Variants in LUZP2 observed in about 807,000 individuals in gnomAD.
LUZP2 encodes the protein leucine zipper protein 2.
A neutral mutation model predicts 51.6 loss-of-function variants in LUZP2; 52 were observed. The ratio of observed to expected loss-of-function variants is 1.01; its 90% CI spans 0.81 to 1.27. The LOEUF is 1.27. Among genes scored for constraint, LUZP2 ranks in the 50% most tolerant of loss-of-function variants. The probability of loss-of-function intolerance (pLI) is 0.00; values close to 1 mark genes in which losing one functional copy is unlikely to be tolerated. For missense variants in LUZP2, 436 were observed against 395.4 expected (o/e 1.10, Z -0.87); for synonymous variants, 154 against 137.3 (o/e 1.12, Z -0.85).
At chr11:24,660,608 A>C (rs1004297711) in intron 1 of LUZP2, among the ~76,000 whole-genome samples, 7 of 152,270 alleles carry the variant, frequency 4.6e-5, no homozygotes, top group African/African-American at 1.7e-4. Context: ...CCTGATCATA[A>C]ATGTTCTTCC....
intron 1 of LUZP2, among the ~76,000 whole-genome samples, chr11:24,697,890 T>C (rs963033631): frequency 1.2e-4 from 19 of 152,184 alleles, no homozygotes; most frequent in Admixed American, 1.2e-3. Flanking sequence ...TGACGCCACT[T>C]GGATCCATGA....
chr11:24,791,961 T>G (rs926626387), intron 5 of LUZP2, among the ~76,000 whole-genome samples: 2 of 151,586 alleles, frequency 1.3e-5, no homozygotes, highest in Middle Eastern at 3.2e-3. Context: ...GAGAGTCTTT[T>G]TTTTTTTTTC....
intron 1 of LUZP2, among the ~76,000 whole-genome samples, chr11:24,695,043 T>C (rs893451717): frequency 2.0e-4 from 30 of 151,972 alleles, no homozygotes; most frequent in African/African-American, 7.3e-4. Context: ...TGTATACCTA[T>C]GTAACAAACC....
intron 5 of LUZP2, among the ~76,000 whole-genome samples, chr11:24,800,599 G>A (rs1849670470): frequency 6.6e-6 from 1 of 151,230 alleles, no homozygotes; most frequent in Non-Finnish European, 1.5e-5. Flanking sequence ...GGGTGAAAGT[G>A]GATTTGCTTT....
chr11:24,570,971 T>A lies in LUZP2; in HGVS notation c.62+73666T>A, dbSNP rs539182367. On this transcript the variant is annotated intron_variant, in intron 1 of 11. Transcript: ENST00000336930. ...ACCTATGTTCAAATATTGAAAAAGT[T>A]AACGTGAAAGTAATAGAAGTTATTC... 8.5e-5 allele frequency among the ~76,000 whole-genome samples: 13 copies of A among 152,196 alleles called. No homozygotes were observed. The South Asian group carries it at 1.4e-3, about 17-fold the overall frequency.
intron 5 of LUZP2, among the ~76,000 whole-genome samples, chr11:24,769,155 G>C (rs1044086645): frequency 6.6e-6 from 1 of 152,180 alleles, no homozygotes; most frequent in Non-Finnish European, 1.5e-5. Flanking sequence ...AATACTGCAT[G>C]ATGTCACTCA....
At chr11:24,563,563 A>C (rs1291382825) in intron 1 of LUZP2, among the ~76,000 whole-genome samples, 1 of 152,172 alleles carries the variant, frequency 6.6e-6, no homozygotes, top group African/African-American at 2.4e-5. Context: ...CGTATAGTTT[A>C]GTTACATCAT....
chr11:24,727,787 A>G (rs761558607), intron 1 of LUZP2, among the ~76,000 whole-genome samples: 23 of 151,978 alleles, frequency 1.5e-4, no homozygotes, highest in Non-Finnish European at 2.5e-4. Context: ...GCAATGGGCC[A>G]TTCCGATTTC....
At chr11:25,047,882 A>C (rs1417752129) in intron 9 of LUZP2, among the ~76,000 whole-genome samples, 1 of 152,134 alleles carries the variant, frequency 6.6e-6, no homozygotes, top group Admixed American at 6.6e-5. Context: ...GCAGTGATAC[A>C]ATCACAGCTC....
chr11:24,638,213 C>T (rs1305600543), intron 1 of LUZP2, among the ~76,000 whole-genome samples: 1 of 151,700 alleles, frequency 6.6e-6, no homozygotes, highest in Non-Finnish European at 1.5e-5. Flanking sequence ...AATGTATTAA[C>T]TTCTGGAACC....
rs1036988527 is a variant in LUZP2, at chr11:24,556,429, A to C, written c.62+59124A>C. ...TAGATTTACAAATATCTGTATGTCA[A>C]GGAAGATTCTGACATATTATATCAA... On this transcript the variant is annotated intron_variant, in intron 1 of 11. Transcript: ENST00000336930. Among the ~76,000 whole-genome samples, 7 of 152,288 alleles carry C rather than the reference A, an allele frequency of 4.6e-5. No homozygotes were observed. In the South Asian group the frequency reaches 1.5e-3, roughly 32 times the overall value.
chr11:24,857,155 ATTTG>A (rs928421459), intron 5 of LUZP2, among the ~76,000 whole-genome samples: 1 of 151,748 alleles, frequency 6.6e-6, no homozygotes, highest in Non-Finnish European at 1.5e-5. Context: ...TACCACTGTA[ATTTG>A]TTTGTTTTCT....
intron 5 of LUZP2, among the ~76,000 whole-genome samples, chr11:24,897,214 C>T (rs1853095935): frequency 1.3e-5 from 2 of 152,130 alleles, no homozygotes; most frequent in South Asian, 2.1e-4. Context: ...AATCAGCACT[C>T]CGTAAAATGG....
intron 1 of LUZP2, among the ~76,000 whole-genome samples, chr11:24,562,870 A>G (rs1852095315): frequency 6.6e-6 from 1 of 151,918 alleles, no homozygotes; most frequent in South Asian, 2.1e-4. Context: ...TCTCAAAAAA[A>G]AAAAAAAAAG....
At position 25,050,382 on chromosome 11, in the gene LUZP2, A is replaced by G. The variant is rs549896454; in HGVS notation, c.858+252A>G. 3.7e-3 allele frequency among the ~76,000 whole-genome samples: 519 copies of G among 138,644 alleles called. 4 individuals are homozygous for G. The highest frequency in any genetic ancestry group is 0.013 in the African/African-American group (487 of 37,084). The allele number at this position is 138,644 out of a possible 152,430, so 91.0% of individuals were successfully genotyped here. A position where few individuals can be genotyped will look rare whatever the true frequency, so the allele number is the denominator to read the frequency against. On this transcript the variant is annotated intron_variant, in intron 10 of 11. Coordinates refer to ENST00000336930, the MANE Select transcript of LUZP2 (RefSeq NM_001009909.4). ...AGTGGCACAATCTCGGCTCACTGCA[A>G]GCTCCGCCGCCTCCCGGGTTCACGC... is the stretch of plus-strand genomic sequence containing the variant.
intron 5 of LUZP2, among the ~76,000 whole-genome samples, chr11:24,796,237 A>T (rs1209168118): frequency 6.6e-6 from 1 of 152,040 alleles, no homozygotes; most frequent in Non-Finnish European, 1.5e-5. Flanking sequence ...TATGCAAAGC[A>T]AGTTCTATTC....
At chr11:24,581,288 C>T (rs1469450688) in intron 1 of LUZP2, among the ~76,000 whole-genome samples, 3 of 151,140 alleles carry the variant, frequency 2.0e-5, no homozygotes, top group Admixed American at 1.3e-4. Context: ...TAAACAAAAA[C>T]AGTGATCCTA....
At chr11:24,524,943 A>T (rs1850751964) in intron 1 of LUZP2, among the ~76,000 whole-genome samples, 1 of 151,676 alleles carries the variant, frequency 6.6e-6, no homozygotes, top group Non-Finnish European at 1.5e-5. Context: ...TACCTGAGAC[A>T]GGCTAGGAGT....
At chr11:24,786,593 T>TA in intron 5 of LUZP2, 1 of 237,396 alleles carries the variant, frequency 4.2e-6, no homozygotes, top group Non-Finnish European at 6.4e-6. Flanking sequence ...TATATTTGCA[T>TA]TATATTATAT....
Sources: allele counts gnomAD v4.1 joint callset (sites outside exome capture counted in the v4.1 genomes callset), GRCh38; gene constraint gnomAD v4.1.1; transcripts MANE v1.5; gene names NCBI Gene and HGNC (gene_info 2026-07-23, HGNC 2026-07-21).